The following ZMAT4 variants were observed in gnomAD, a reference collection of about 807,000 sequenced individuals.
ZMAT4 encodes the protein zinc finger matrin-type protein 4.
A neutral mutation model predicts 28.7 loss-of-function variants in ZMAT4; 17 were observed. That is an observed-to-expected ratio of 0.59 (90% CI 0.41 to 0.89). The LOEUF (loss-of-function observed/expected upper bound fraction) is 0.89, where lower values mean the gene tolerates loss of function less well. Among genes scored for constraint, ZMAT4 ranks in the 40% least tolerant of loss-of-function variants. The pLI is 0.00. For synonymous variants in ZMAT4, 117 were observed against 109.2 expected (o/e 1.07, Z -0.44); for missense variants, 240 against 283.8 (o/e 0.85, Z 1.11).
rs796115141 is a variant in ZMAT4, at chr8:40,768,672, T to C, written c.103-942A>G. ...AGTCACATTTTCTCCATGTACAAAATGAATACCACAACATTTGCTAGGGTG... is the reference window on the plus strand; with the variant it reads ...AGTCACATTTTCTCCATGTACAAAACGAATACCACAACATTTGCTAGGGTG... On this transcript the variant is annotated intron_variant, in intron 2 of 6. Transcript: ENST00000297737. Among the ~76,000 whole-genome samples, 7 of 151,794 alleles carry C rather than the reference T, an allele frequency of 4.6e-5. 1 individual carries two copies. The highest frequency in any genetic ancestry group is 1.7e-4 in the African/African-American group (7 of 41,412).
chr8:40,733,283 G>C (rs1365153755), intron 3 of ZMAT4, among the ~76,000 whole-genome samples: 1 of 152,044 alleles, frequency 6.6e-6, no homozygotes, highest in Non-Finnish European at 1.5e-5. Context: ...CTTTCATTAA[G>C]TTTGTCATTG....
intron 5 of ZMAT4, among the ~76,000 whole-genome samples, chr8:40,659,474 T>C (rs760995608): frequency 6.6e-6 from 1 of 152,174 alleles, no homozygotes; most frequent in Non-Finnish European, 1.5e-5. Context: ...CCTTGAGTCC[T>C]TGCATTGCCC....
intron 3 of ZMAT4, among the ~76,000 whole-genome samples, chr8:40,751,267 C>T (rs530492108): frequency 3.3e-5 from 5 of 152,112 alleles, no homozygotes; most frequent in African/African-American, 4.8e-5. Flanking sequence ...AACTGGCTCA[C>T]GGTTCTACAG....
intron 6 of ZMAT4, among the ~76,000 whole-genome samples, chr8:40,570,262 C>A (rs1041228542): frequency 2.0e-5 from 3 of 152,082 alleles, no homozygotes; most frequent in African/African-American, 4.8e-5. Context: ...TCCAAGAGAA[C>A]CTTTGGTGGT....
intron 5 of ZMAT4, among the ~76,000 whole-genome samples, chr8:40,671,878 A>AAAT (rs1808685545): frequency 6.6e-6 from 1 of 152,226 alleles, no homozygotes; most frequent in Non-Finnish European, 1.5e-5. Context: ...GAATCCTTCT[A>AAAT]GAAATGAAAA....
chr8:40,659,981 A>G (rs112112916), intron 5 of ZMAT4, among the ~76,000 whole-genome samples: 3 of 152,206 alleles, frequency 2.0e-5, no homozygotes, highest in African/African-American at 7.2e-5. Flanking sequence ...CTTATTTACA[A>G]AACAGTAATC....
intron 3 of ZMAT4, among the ~76,000 whole-genome samples, chr8:40,765,655 C>A (rs1338910131): frequency 6.6e-6 from 1 of 152,186 alleles, no homozygotes. Flanking sequence ...TGTAAACTGT[C>A]CTTGCGGTTA....
chr8:40,830,762 G>A (rs1043151982), intron 1 of ZMAT4, among the ~76,000 whole-genome samples: 11 of 152,188 alleles, frequency 7.2e-5, no homozygotes, highest in Admixed American at 6.5e-4. Context: ...GACTCAGAGA[G>A]CCCAAAACCC....
intron 1 of ZMAT4, among the ~76,000 whole-genome samples, chr8:40,846,627 G>A (rs1467993746): frequency 2.6e-5 from 4 of 152,246 alleles, no homozygotes; most frequent in South Asian, 4.2e-4. Context: ...TGGCGTCCCC[G>A]TTTCCAGGAG....
At chr8:40,629,634 CCT>C (rs1806502076) in intron 5 of ZMAT4, among the ~76,000 whole-genome samples, 1 of 149,790 alleles carries the variant, frequency 6.7e-6, no homozygotes, top group Admixed American at 6.7e-5. Context: ...TCAGTTCCCA[CCT>C]ATGAGTGAGA....
chr8:40,611,533 G>A (rs1433641823), intron 5 of ZMAT4, among the ~76,000 whole-genome samples: 1 of 152,068 alleles, frequency 6.6e-6, no homozygotes, highest in Non-Finnish European at 1.5e-5. Context: ...GTAGAGATGG[G>A]GTTTCACTGT....
intron 1 of ZMAT4, among the ~76,000 whole-genome samples, chr8:40,881,436 A>AAAGAAAGAAAGAAAG (rs1491286726): frequency 1.6e-4 from 8 of 48,628 alleles, no homozygotes; most frequent in African/African-American, 6.5e-4. Flanking sequence ...AGAAAGAGAG[A>AAAGAAAGAAAGAAAG]AAGAAAGAAA....
intron 3 of ZMAT4, among the ~76,000 whole-genome samples, chr8:40,731,705 A>G (rs1451907794): frequency 1.3e-5 from 2 of 152,230 alleles, no homozygotes; most frequent in Non-Finnish European, 2.9e-5. Flanking sequence ...TACAGGGAAG[A>G]CACGGAAAAA....
intron 3 of ZMAT4, among the ~76,000 whole-genome samples, chr8:40,741,552 T>TA (rs1481875883): frequency 6.6e-6 from 1 of 152,198 alleles, no homozygotes; most frequent in Non-Finnish European, 1.5e-5. Context: ...TTATAAAGAT[T>TA]AAAAAGATTG....
intron 6 of ZMAT4, among the ~76,000 whole-genome samples, chr8:40,534,522 T>C (rs993948679): frequency 6.6e-6 from 1 of 152,238 alleles, no homozygotes; most frequent in East Asian, 1.9e-4. Context: ...CTTTGTTCTC[T>C]GACAGCCTTA....
intron 5 of ZMAT4, among the ~76,000 whole-genome samples, chr8:40,667,848 A>C (rs201612915): frequency 3.6e-5 from 5 of 138,182 alleles, no homozygotes; most frequent in South Asian, 2.3e-4. Flanking sequence ...AAAAAAAAAA[A>C]CAACAAAAAA....
chr8:40,576,341 A>C lies in ZMAT4; in HGVS notation c.674+4824T>G, dbSNP rs1036316305. On this transcript the variant is annotated intron_variant, in intron 6 of 6. Coordinates refer to ENST00000297737, the MANE Select transcript of ZMAT4 (RefSeq NM_024645.3). Reference sequence around the variant, plus strand: ...AAAAGTTCCCAAGTAGATTAAACCCAAAAAGGTCCTCCCTGAGGCATATTA... The same window carrying C: ...AAAAGTTCCCAAGTAGATTAAACCCCAAAAGGTCCTCCCTGAGGCATATTA... Among the ~76,000 whole-genome samples the C allele has an allele frequency of 1.1e-4, 16 of 152,160 alleles. 1 individual carries two copies. The highest frequency in any genetic ancestry group is 3.9e-4 in the African/African-American group (16 of 41,514).
chr8:40,849,312 A>G (rs1246031624), intron 1 of ZMAT4, among the ~76,000 whole-genome samples: 1 of 152,224 alleles, frequency 6.6e-6, no homozygotes, highest in African/African-American at 2.4e-5. Flanking sequence ...ACTCCACAGA[A>G]AAACAGGCTT....
rs1003158632 is a variant in ZMAT4 at position 40,873,214 on chromosome 8, C to A, written c.-5+24469G>T. Reference sequence around the variant, plus strand: ...GTCCCAAATCAGCATTCCTTGGATGCACTGCCACATGTGCACAGAAAAGAT... The same window carrying A: ...GTCCCAAATCAGCATTCCTTGGATGAACTGCCACATGTGCACAGAAAAGAT... On this transcript the variant is annotated intron_variant, in intron 1 of 6. Transcript: ENST00000297737. Among the ~76,000 whole-genome samples, 7 of 152,344 alleles carry A rather than the reference C, an allele frequency of 4.6e-5. No individual in the cohort carries two copies. In the East Asian group the frequency reaches 1.3e-3, roughly 29 times the overall value.
Sources: allele counts gnomAD v4.1 joint callset (sites outside exome capture counted in the v4.1 genomes callset), GRCh38; gene constraint gnomAD v4.1.1; transcripts MANE v1.5; gene names NCBI Gene and HGNC (gene_info 2026-07-23, HGNC 2026-07-21).